Variants in SLC22A23 observed in about 807,000 individuals in gnomAD.
SLC22A23 encodes the protein ion transporter protein.
Under a neutral mutation model 61.0 loss-of-function variants are expected in SLC22A23, and 26 were observed. The observed-to-expected ratio is 0.43, with a 90% CI of 0.31 to 0.59. SLC22A23 has a LOEUF of 0.59. Among genes scored for constraint, SLC22A23 ranks in the 20% least tolerant of loss-of-function variants. The pLI is 0.11. For synonymous variants in SLC22A23, 430 were observed against 413.9 expected (o/e 1.04, Z -0.47); for missense variants, 796 against 934.7 (o/e 0.85, Z 1.94).
intron 3 of SLC22A23, among the ~76,000 whole-genome samples, chr6:3,338,497 T>A (rs1373619528): frequency 6.6e-6 from 1 of 152,242 alleles, no homozygotes; most frequent in Non-Finnish European, 1.5e-5. Context: ...CAGCTAATTT[T>A]TGTGTTTTTA....
chr6:3,404,902 G>A (rs901365467), intron 3 of SLC22A23, among the ~76,000 whole-genome samples: 5 of 151,706 alleles, frequency 3.3e-5, no homozygotes, highest in East Asian at 3.9e-4. Context: ...AATCTGCTCC[G>A]ATTTCCCTGT....
intron 3 of SLC22A23, among the ~76,000 whole-genome samples, chr6:3,398,045 AG>A (rs948384711): frequency 1.2e-3 from 176 of 152,330 alleles, no homozygotes; most frequent in Non-Finnish European, 1.8e-3. Context: ...TTTACCAAAG[AG>A]GAGAAATCAT....
At position 3,360,097 on chromosome 6, in the gene SLC22A23, C is replaced by T. The variant is rs10458158; in HGVS notation, c.914-36095G>A. Among the ~76,000 whole-genome samples the T allele has an allele frequency of 0.031, 4,692 of 151,980 alleles. 102 individuals are homozygous for T. Among genetic ancestry groups the T allele is most frequent in the Non-Finnish European group, 0.046 (3,104 of 67,986 alleles). Reference sequence around the variant, plus strand: ...AACAGAAAGTAGAAGGGTGGCTGCTCGGGACTAAGGGATGGGAATGGGGAG... The same window carrying T: ...AACAGAAAGTAGAAGGGTGGCTGCTTGGGACTAAGGGATGGGAATGGGGAG... On this transcript the variant is annotated intron_variant, in intron 3 of 9. Transcript: ENST00000406686. This position sits in a 1 kb window ranked among gnomAD's most constrained non-coding sequence, Gnocchi z 4.6.
At chr6:3,400,558 T>C (rs1274821868) in intron 3 of SLC22A23, among the ~76,000 whole-genome samples, 1 of 152,186 alleles carries the variant, frequency 6.6e-6, no homozygotes, top group African/African-American at 2.4e-5. Context: ...GACAATCACG[T>C]TCATCTGGTC....
In SLC22A23 at chr6:3,329,529, A is replaced by C. The variant is rs1581699793; in HGVS notation, c.914-5527T>G. 6.6e-6 allele frequency among the ~76,000 whole-genome samples: 1 copy of C among 152,174 alleles called. No individual in the cohort carries two copies. The highest frequency in any genetic ancestry group is 1.5e-5 in the Non-Finnish European group (1 of 68,020). ...TCACAGAATTGTGCCCGCGGAACAA[A>C]GCGTGCCATGCAGGGTATGGGATGA... On this transcript the variant is annotated intron_variant, in intron 3 of 9. Coordinates refer to ENST00000406686, the MANE Select transcript of SLC22A23 (RefSeq NM_015482.2). This position sits in a 1 kb window ranked among gnomAD's most constrained non-coding sequence, Gnocchi z 4.8.
In SLC22A23 at chr6:3,273,181, C is replaced by G. The variant is rs1427729118; in HGVS notation, c.1935G>C (p.Lys645Asn). ...HYTRQPLLPH[K>N]KGEQPLLLTN... ...TGAGCAGCAGTGGCTGCTCCCCCTTCTTGTGCGGCAGCAGCGGCTGGCGCG... is the reference window on the plus strand; with the variant it reads ...TGAGCAGCAGTGGCTGCTCCCCCTTGTTGTGCGGCAGCAGCGGCTGGCGCG... The change falls in exon 10 of 10, where the codon AAG becomes AAC. Residue 645 changes from lysine (K) to asparagine (N), a missense_variant. Coordinates refer to ENST00000406686, the MANE Select transcript of SLC22A23 (RefSeq NM_015482.2). 6.2e-7 allele frequency: 1 copy of G among 1,613,018 alleles called. No individual in the cohort carries two copies. The highest frequency in any genetic ancestry group is 1.3e-5 in the African/African-American group (1 of 74,954).
At chr6:3,348,117 G>T (rs2127431031) in intron 3 of SLC22A23, among the ~76,000 whole-genome samples, 1 of 152,342 alleles carries the variant, frequency 6.6e-6, no homozygotes, top group South Asian at 2.1e-4. Context: ...TGTGTCTCCT[G>T]CTCTGGAAGG....
intron 2 of SLC22A23, among the ~76,000 whole-genome samples, chr6:3,412,723 G>A (rs1024018373): frequency 6.6e-6 from 1 of 152,212 alleles, no homozygotes; most frequent in Non-Finnish European, 1.5e-5. Context: ...ACCCTGAGAT[G>A]AGGTGACTTT....
chr6:3,395,075 T>TGTA (rs889842206), intron 3 of SLC22A23, among the ~76,000 whole-genome samples: 1 of 152,238 alleles, frequency 6.6e-6, no homozygotes, highest in Admixed American at 6.5e-5. Flanking sequence ...GCAGGAATAT[T>TGTA]GTAGCCATCT....
chr6:3,455,507 A>C (rs1407542151), intron 1 of SLC22A23, among the ~76,000 whole-genome samples: 1 of 152,140 alleles, frequency 6.6e-6, no homozygotes, highest in Non-Finnish European at 1.5e-5. Context: ...TGCGAGATGG[A>C]AGACTATTGC....
intron 3 of SLC22A23, among the ~76,000 whole-genome samples, chr6:3,349,184 C>T (rs1764619879): frequency 6.6e-6 from 1 of 152,224 alleles, no homozygotes; most frequent in African/African-American, 2.4e-5. Context: ...GCTCTTCGTT[C>T]CTCCCTGCCA....
At position 3,351,592 on chromosome 6, in the gene SLC22A23, G is replaced by A. The variant is rs181222091; in HGVS notation, c.914-27590C>T. Reference sequence around the variant, plus strand: ...TCAACAGCCCTCTCTGTGGCTTCCCGCCCACCCCTCCCACTGCTCTGGAAA... The same window carrying A: ...TCAACAGCCCTCTCTGTGGCTTCCCACCCACCCCTCCCACTGCTCTGGAAA... On this transcript the variant is annotated intron_variant, in intron 3 of 9. Transcript: ENST00000406686. Among the ~76,000 whole-genome samples, 1,190 of 131,982 alleles carry A rather than the reference G, an allele frequency of 9.0e-3. 18 individuals are homozygous for A. The highest frequency in any genetic ancestry group is 0.032 in the African/African-American group (1,126 of 35,732). The allele number at this position is 131,982 out of a possible 152,430, so 86.6% of individuals were successfully genotyped here.
chr6:3,375,721 C>T (rs1766521391), intron 3 of SLC22A23, among the ~76,000 whole-genome samples: 1 of 152,110 alleles, frequency 6.6e-6, no homozygotes. Context: ...TGCAATTGGC[C>T]CCCTTCCAGT....
intron 1 of SLC22A23, among the ~76,000 whole-genome samples, chr6:3,416,578 T>G (rs1769720365): frequency 6.6e-6 from 1 of 152,254 alleles, no homozygotes; most frequent in Non-Finnish European, 1.5e-5. Flanking sequence ...TTTCTCCACT[T>G]GCAGGATCAG....
At position 3,324,064 on chromosome 6, in the gene SLC22A23, G is replaced by A. The variant is rs755917536; in HGVS notation, c.914-62C>T. The A allele has an allele frequency of 6.3e-7, 1 of 1,580,828 alleles. No individual in the cohort carries two copies. Among genetic ancestry groups the A allele is most frequent in the Non-Finnish European group, 8.6e-7 (1 of 1,157,610 alleles). ...CTGCTCGACAGCCCGAGAAGTCCTG[G>A]GTGCACCTGGGCCAGTGCACTGCTT... On this transcript the variant is annotated intron_variant, in intron 3 of 9. Transcript: ENST00000406686. This position sits in a 1 kb window ranked among gnomAD's most constrained non-coding sequence, Gnocchi z 4.3.
chr6:3,345,911 G>A (rs1764409208), intron 3 of SLC22A23, among the ~76,000 whole-genome samples: 1 of 152,128 alleles, frequency 6.6e-6, no homozygotes, highest in Non-Finnish European at 1.5e-5. Context: ...ATATAGCCGA[G>A]CTTGTTTCTT....
chr6:3,273,703 G>T (rs571690590), intron 9 of SLC22A23, among the ~76,000 whole-genome samples: 28 of 152,274 alleles, frequency 1.8e-4, no homozygotes, highest in Admixed American at 3.3e-4. Flanking sequence ...GGGACCATGA[G>T]AACTTTATTT....
rs561423466 is a variant in SLC22A23, at chr6:3,416,296, G to A, written c.655-441C>T. Among the ~76,000 whole-genome samples the A allele has an allele frequency of 5.9e-5, 9 of 152,330 alleles. No individual in the cohort carries two copies. The South Asian group carries it at 1.9e-3, about 32-fold the overall frequency. On this transcript the variant is annotated intron_variant, in intron 1 of 9. Coordinates refer to ENST00000406686, the MANE Select transcript of SLC22A23 (RefSeq NM_015482.2). ...TCGTGATGACATGAGGAGGTTAAAA[G>A]TAACTTTTGCATTTTCATCCCAAAA...
chr6:3,296,973 G>A (rs1434896752), intron 5 of SLC22A23, among the ~76,000 whole-genome samples: 3 of 152,288 alleles, frequency 2.0e-5, no homozygotes, highest in African/African-American at 7.2e-5. Flanking sequence ...ACCTCACTCA[G>A]GCCCCTGCAC....
Sources: gnomAD v4.1 joint callset for allele counts (sites outside exome capture counted in the v4.1 genomes callset) on GRCh38, gnomAD v4.1.1 for gene constraint, Gnocchi (gnomAD v3.1) non-coding constraint, MANE v1.5 for transcripts, NCBI Gene and HGNC (gene_info 2026-07-23, HGNC 2026-07-21) for gene names.